Variants in SMARCD3 observed in about 807,000 individuals in gnomAD.
SMARCD3 encodes the protein SWI/SNF related BAF chromatin remodeling complex subunit D3.
Under a neutral mutation model 58.0 loss-of-function variants are expected in SMARCD3, and 14 were observed. The ratio of observed to expected loss-of-function variants is 0.24; its 90% CI spans 0.16 to 0.38. The LOEUF (loss-of-function observed/expected upper bound fraction) is 0.38, where lower values mean the gene tolerates loss of function less well. Among genes scored for constraint, SMARCD3 ranks in the 10% least tolerant of loss-of-function variants. The probability of loss-of-function intolerance (pLI) is 1.00; values close to 1 mark genes in which losing one functional copy is unlikely to be tolerated. For synonymous variants in SMARCD3, 253 were observed against 253.8 expected (o/e 1.00, Z 0.03); for missense variants, 408 against 636.9 (o/e 0.64, Z 3.87).
Position 151,241,967 on chromosome 7 carries a change from T to C in SMARCD3, c.687A>G (p.Thr229=), listed in dbSNP as rs1584866304. 1 of 1,611,464 alleles carries C rather than the reference T, an allele frequency of 6.2e-7. No individual in the cohort carries two copies. The highest frequency in any genetic ancestry group is 1.7e-5 in the Admixed American group (1 of 59,558). Residue 229 remains threonine, a synonymous_variant, in exon 7 of 13, where the codon ACA becomes ACG. Transcript: ENST00000262188. This position sits in a 1 kb window ranked among gnomAD's most constrained non-coding sequence, Gnocchi z 5.3. ...AGCCGTCCGTCTCCTGGGTCGTGGG[T>C]GTCCGATGCCACTGTCCAGGAGAGA... The part of the protein sequence containing the change: ...PDNHLVEWHR[T]PTTQETDGFQ...
chr7:151,250,920 C>T (rs938211189), upstream of SMARCD3, among the ~76,000 whole-genome samples: 5 of 152,196 alleles, frequency 3.3e-5, no homozygotes, highest in African/African-American at 9.7e-5. Context: ...ACCATGGGCA[C>T]CCCCACCCAC....
intron 2 of SMARCD3, among the ~76,000 whole-genome samples, chr7:151,264,902 T>TA (rs1227987277): frequency 6.6e-6 from 1 of 152,086 alleles, no homozygotes; most frequent in Non-Finnish European, 1.5e-5. Context: ...GGTGGGGAAT[T>TA]AGTGTTCTAG....
chr7:151,241,352 G>C lies in SMARCD3; in HGVS notation c.939+140C>G, dbSNP rs906459373. On this transcript the variant is annotated intron_variant, in intron 8 of 12. Transcript: ENST00000262188. The surrounding 1 kb of genome is among the most constrained non-coding windows in gnomAD (Gnocchi z 5.3). Reference sequence around the variant, plus strand: ...AACTAGAATCCTGGTCGGTCTCTTGGCTCCAAGACCATGACTGTGTACTGC... The same window carrying C: ...AACTAGAATCCTGGTCGGTCTCTTGCCTCCAAGACCATGACTGTGTACTGC... The C allele has an allele frequency of 8.2e-5, 64 of 780,296 alleles. No homozygotes were observed. The highest frequency in any genetic ancestry group is 1.2e-4 in the Non-Finnish European group (56 of 454,188). 48.3% of individuals were successfully genotyped at this position (780,296 alleles called of 1,614,324 possible).
At position 151,241,798 on chromosome 7, in the gene SMARCD3, C is replaced by T. The variant is rs747950765; in HGVS notation, c.777+79G>A. Reference sequence around the variant, plus strand: ...GGTTTGGGAGGGGAAGGAGGTCTCTCAAGATGCACCACTTTGGGACCTAGC... The same window carrying T: ...GGTTTGGGAGGGGAAGGAGGTCTCTTAAGATGCACCACTTTGGGACCTAGC... On this transcript the variant is annotated intron_variant, in intron 7 of 12. Coordinates refer to ENST00000262188, the MANE Select transcript of SMARCD3 (RefSeq NM_001003801.2). This position sits in a 1 kb window ranked among gnomAD's most constrained non-coding sequence, Gnocchi z 5.3. 38 of 1,425,790 alleles carry T rather than the reference C, an allele frequency of 2.7e-5. No individual in the cohort carries two copies. The highest frequency in any genetic ancestry group is 3.5e-5 in the Non-Finnish European group (36 of 1,027,038). 88.3% of individuals were successfully genotyped at this position (1,425,790 alleles called of 1,614,324 possible).
rs1269620254 is a variant in SMARCD3, at chr7:151,246,563, T to C, written c.79-892A>G. 1.3e-5 allele frequency among the ~76,000 whole-genome samples: 2 copies of C among 151,996 alleles called. No individual in the cohort carries two copies. The highest frequency in any genetic ancestry group is 2.9e-5 in the Non-Finnish European group (2 of 67,976). On this transcript the variant is annotated intron_variant, in intron 1 of 12. Coordinates refer to ENST00000262188, the MANE Select transcript of SMARCD3 (RefSeq NM_001003801.2). This position sits in a 1 kb window ranked among gnomAD's most constrained non-coding sequence, Gnocchi z 4.4. ...GGGCAGTGACACTTGCACTCACATT[T>C]CCCTTCCTGTCTGCCCAGGTCAGCA...
chr7:151,251,874 C>G (rs1803525399), upstream of SMARCD3, among the ~76,000 whole-genome samples: 1 of 147,726 alleles, frequency 6.8e-6, no homozygotes, highest in Non-Finnish European at 1.5e-5. Flanking sequence ...TCGCCCCCAC[C>G]GCGCCCGAGC....
chr7:151,251,564 C>T (rs1247653044), upstream of SMARCD3, among the ~76,000 whole-genome samples: 1 of 152,138 alleles, frequency 6.6e-6, no homozygotes, highest in Non-Finnish European at 1.5e-5. Context: ...CCAGGATCCC[C>T]AGTGGCTTAA....
Position 151,270,002 on chromosome 7 carries a change from G to A in SMARCD3, c.39+5112C>T, listed in dbSNP as rs529338441. On this transcript the variant is annotated intron_variant, in intron 2 of 13. Coordinates refer to the SMARCD3 transcript ENST00000356800. The stretch of plus-strand genomic sequence containing the variant: ...ATCTTCAGCGCTCCCCAGGGGGCAC[G>A]AAGGCTGGGAATATTTGAAAGAGCC... 8.3e-4 allele frequency among the ~76,000 whole-genome samples: 126 copies of A among 152,298 alleles called. No individual in the cohort carries two copies. In the Middle Eastern group the frequency reaches 0.01, roughly 12 times the overall value.
Position 151,241,883 on chromosome 7 carries a change from G to A in SMARCD3, c.771C>T (p.Asp257=). The A allele has an allele frequency of 6.2e-7, 1 of 1,609,602 alleles. No homozygotes were observed. ...SVRCTLLLML[D]YQPPQFKLDP... ...CAGCATGGCAGGTGCAGACCTGGTA[G>A]TCCAGCATGAGGAGCAGCGTGCAGC... The change falls in exon 7 of 13, where the codon GAC becomes GAT. Residue 257 remains aspartate (D), a synonymous_variant. Transcript: ENST00000262188. The surrounding 1 kb of genome is among the most constrained non-coding windows in gnomAD (Gnocchi z 5.3).
chr7:151,248,395 C>A lies in SMARCD3; in HGVS notation c.78+90G>T. On this transcript the variant is annotated intron_variant, in intron 1 of 12. Transcript: ENST00000262188. This position sits in a 1 kb window ranked among gnomAD's most constrained non-coding sequence, Gnocchi z 6.1. Reference sequence around the variant, plus strand: ...GCCCCCCACTAGAGGGGTGGGAGAGCGGGAGCGCCCTCCCGGCCCCTCCCG... The same window carrying A: ...GCCCCCCACTAGAGGGGTGGGAGAGAGGGAGCGCCCTCCCGGCCCCTCCCG... 1 of 1,132,490 alleles carries A rather than the reference C, an allele frequency of 8.8e-7. No homozygotes were observed. The highest frequency in any genetic ancestry group is 1.3e-6 in the Non-Finnish European group (1 of 759,310). 70.2% of individuals were successfully genotyped at this position (1,132,490 alleles called of 1,614,324 possible).
chr7:151,247,363 G>A (rs1177414433), intron 1 of SMARCD3, among the ~76,000 whole-genome samples: 1 of 152,010 alleles, frequency 6.6e-6, no homozygotes, highest in Non-Finnish European at 1.5e-5. Context: ...TTACCCCCAG[G>A]GGTCCCTGGG....
upstream of SMARCD3, chr7:151,248,712 A>T: frequency 8.1e-7 from 1 of 1,229,254 alleles, no homozygotes. The surrounding 1 kb of genome is among the most constrained non-coding windows in gnomAD (Gnocchi z 6.1). Context: ...GGGCCCCTTC[A>T]GGGCTGCCCT....
intron 2 of SMARCD3, among the ~76,000 whole-genome samples, chr7:151,244,524 A>C (rs1447365762): frequency 6.6e-6 from 1 of 152,180 alleles, no homozygotes; most frequent in Non-Finnish European, 1.5e-5. Context: ...CTCCCTATGC[A>C]GAAATCTAAG....
In SMARCD3 at chr7:151,242,077, T is replaced by C. The variant is rs967479989; in HGVS notation, c.675+60A>G. On this transcript the variant is annotated intron_variant, in intron 6 of 12. Transcript: ENST00000262188. The surrounding 1 kb of genome is among the most constrained non-coding windows in gnomAD (Gnocchi z 4.7). Reference sequence around the variant, plus strand: ...CCTGACCCAAATCTGTGCTGGTTCTTCAGGGATTCTGGCCTGTGGGAGGGT... The same window carrying C: ...CCTGACCCAAATCTGTGCTGGTTCTCCAGGGATTCTGGCCTGTGGGAGGGT... 258 of 1,545,432 alleles carry C rather than the reference T, an allele frequency of 1.7e-4. No individual in the cohort carries two copies. The highest frequency in any genetic ancestry group is 2.3e-4 in the Non-Finnish European group (254 of 1,117,820).
chr7:151,261,157 A>AG (rs1229083274), intron 2 of SMARCD3, among the ~76,000 whole-genome samples: 3 of 152,222 alleles, frequency 2.0e-5, no homozygotes, highest in Admixed American at 1.3e-4. Flanking sequence ...GGGTCTCTGC[A>AG]GTCCACGGTG....
In SMARCD3 at chr7:151,239,609, A is replaced by G. The variant is rs140698191; in HGVS notation, c.1296+15T>C. ...TTGTCTTCCACTCCAGTACTCCCTG[A>G]GTCTCCCTCTTCACCTTGAGGTCCC... On this transcript the variant is annotated intron_variant, in intron 11 of 12. Coordinates refer to ENST00000262188, the MANE Select transcript of SMARCD3 (RefSeq NM_001003801.2). The surrounding 1 kb of genome is among the most constrained non-coding windows in gnomAD (Gnocchi z 7.0). 6.2e-7 allele frequency: 1 copy of G among 1,613,980 alleles called. No individual in the cohort carries two copies. Among genetic ancestry groups the G allele is most frequent in the Admixed American group, 1.7e-5 (1 of 60,008 alleles).
At position 151,245,378 on chromosome 7, in the gene SMARCD3, C is replaced by T. The variant is rs1489784466; in HGVS notation, c.290+82G>A. On this transcript the variant is annotated intron_variant, in intron 2 of 12. Coordinates refer to ENST00000262188, the MANE Select transcript of SMARCD3 (RefSeq NM_001003801.2). This position sits in a 1 kb window ranked among gnomAD's most constrained non-coding sequence, Gnocchi z 6.2. ...TCATTCTTCCTCGCCCCTTCCAATC[C>T]CCGCTACTCGCTTACCTGGTCCCTG... is the stretch of plus-strand genomic sequence containing the variant. 1.2e-5 allele frequency: 6 copies of T among 515,620 alleles called. No individual in the cohort carries two copies. Among genetic ancestry groups the T allele is most frequent in the Non-Finnish European group, 1.8e-5 (6 of 338,334 alleles). 31.9% of individuals were successfully genotyped at this position (515,620 alleles called of 1,614,324 possible). A position where few individuals can be genotyped will look rare whatever the true frequency, so the allele number is the denominator to read the frequency against.
At chr7:151,253,599 G>A (rs1259144021), upstream of SMARCD3, among the ~76,000 whole-genome samples, 5 of 121,110 alleles carry the variant, frequency 4.1e-5, no homozygotes, top group African/African-American at 6.5e-5. Flanking sequence ...GCTGGGCGCT[G>A]GGATCTGAGC....
intron 2 of SMARCD3, among the ~76,000 whole-genome samples, chr7:151,266,672 G>T (rs11973301): frequency 0.6 from 90,500 of 152,022 alleles, 27,913 homozygotes; most frequent in African/African-American, 0.72. Context: ...GTGCTAGTGT[G>T]TCATGTCAGC....
Sources: gnomAD v4.1 joint callset for allele counts (sites outside exome capture counted in the v4.1 genomes callset) on GRCh38, gnomAD v4.1.1 for gene constraint, Gnocchi (gnomAD v3.1) non-coding constraint, MANE v1.5 for transcripts, NCBI Gene and HGNC (gene_info 2026-07-23, HGNC 2026-07-21) for gene names.